HECW2: variants seen among roughly 807,000 people sequenced by gnomAD.
HECW2 encodes HECT, C2 and WW domain containing E3 ubiquitin protein ligase 2, also known as E3 ubiquitin-protein ligase HECW2.
Under a neutral mutation model 175.2 loss-of-function variants are expected in HECW2, and 61 were observed. The ratio of observed to expected loss-of-function variants is 0.35; its 90% CI spans 0.28 to 0.43. The LOEUF (loss-of-function observed/expected upper bound fraction) is 0.43, where lower values mean the gene tolerates loss of function less well. Among genes scored for constraint, HECW2 ranks in the 20% least tolerant of loss-of-function variants. The pLI is 1.00. For synonymous variants in HECW2, 671 were observed against 731.0 expected, an observed-to-expected ratio of 0.92 and a Z score of 1.32; for missense variants, 1,524 against 2,000.5, an observed-to-expected ratio of 0.76 and a Z score of 4.54.
chr2:196,452,733 T>A (rs929946169), intron 1 of HECW2, among the ~76,000 whole-genome samples: 1 of 149,926 alleles, frequency 6.7e-6, no homozygotes, highest in Non-Finnish European at 1.5e-5. Flanking sequence ...AAAATCTTCC[T>A]CAGAAAACAA....
At position 196,587,043 on chromosome 2, in the gene HECW2, GC is replaced by G. The variant is rs367854549; in HGVS notation, c.-36+6464del. 8.5e-5 allele frequency among the ~76,000 whole-genome samples: 13 copies of G among 152,274 alleles called. No homozygotes were observed. The East Asian group carries it at 2.5e-3, about 29-fold the overall frequency. The stretch of plus-strand genomic sequence containing the variant: ...GATAATGTTTGTCTTTAACTTTCCA[GC>G]TGATTTTCCAAGTGTCTCTTCAATA... On this transcript the variant is annotated intron_variant, in intron 1 of 28. Transcript: ENST00000644978.
intron 1 of HECW2, among the ~76,000 whole-genome samples, chr2:196,472,420 G>A (rs1178063970): frequency 6.6e-6 from 1 of 150,476 alleles, no homozygotes; most frequent in African/African-American, 2.5e-5. Context: ...CCTGAGAGGT[G>A]GAGGCTGCAG....
chr2:196,222,483 G>T, intron 23 of HECW2, 143 bp from the exon 24 acceptor site: 1 of 705,382 alleles, frequency 1.4e-6, no homozygotes, highest in Non-Finnish European at 2.2e-6. Flanking sequence ...CTTAGTCCAA[G>T]TCCAGTAATT....
intron 2 of HECW2, among the ~76,000 whole-genome samples, chr2:196,403,604 C>A (rs1694880058): frequency 6.6e-6 from 1 of 152,184 alleles, no homozygotes; most frequent in Non-Finnish European, 1.5e-5. Flanking sequence ...AGTCACTTTC[C>A]TAAAGTTTTA....
intron 1 of HECW2, among the ~76,000 whole-genome samples, chr2:196,523,024 G>A (rs1368124452): frequency 6.6e-6 from 1 of 151,576 alleles, no homozygotes; most frequent in African/African-American, 2.4e-5. Flanking sequence ...GAACGTCATT[G>A]GTAGCTTGAT....
At chr2:196,515,944 C>A (rs568754011) in intron 1 of HECW2, among the ~76,000 whole-genome samples, 1 of 145,740 alleles carries the variant, frequency 6.9e-6, no homozygotes, top group Non-Finnish European at 1.5e-5. Flanking sequence ...GCCAACAGGG[C>A]GAAACCACCT....
At chr2:196,333,133 T>A (rs548480227) in intron 4 of HECW2, among the ~76,000 whole-genome samples, 1 of 152,194 alleles carries the variant, frequency 6.6e-6, no homozygotes, top group East Asian at 1.9e-4. Flanking sequence ...TCAGGACAAA[T>A]CCTACTACAC....
chr2:196,573,724 G>A (rs1215964076), intron 1 of HECW2, among the ~76,000 whole-genome samples: 1 of 152,128 alleles, frequency 6.6e-6, no homozygotes, highest in Non-Finnish European at 1.5e-5. Flanking sequence ...ACCAGCTGTG[G>A]CAAACAAGAG....
At chr2:196,416,040 C>A (rs1050919363) in intron 2 of HECW2, among the ~76,000 whole-genome samples, 1 of 152,140 alleles carries the variant, frequency 6.6e-6, no homozygotes, top group Admixed American at 6.5e-5. Context: ...TTCTTCGTAT[C>A]TTTCTCTTAA....
chr2:196,509,117 G>T (rs1191678049), intron 1 of HECW2, among the ~76,000 whole-genome samples: 2 of 151,354 alleles, frequency 1.3e-5, no homozygotes, highest in South Asian at 4.2e-4. Context: ...AGGATTGTGG[G>T]TTTTTTTTTA....
At chr2:196,243,277 C>T (rs34549208) in intron 19 of HECW2, among the ~76,000 whole-genome samples, 31,527 of 149,974 alleles carry the variant, frequency 0.21, 4,037 homozygotes, top group East Asian at 0.44. Flanking sequence ...AAGTGATTGT[C>T]CTGCCTCAGC....
At chr2:196,351,690 A>T (rs1352192119) in intron 2 of HECW2, among the ~76,000 whole-genome samples, 3 of 152,220 alleles carry the variant, frequency 2.0e-5, no homozygotes, top group African/African-American at 7.2e-5. Flanking sequence ...AAATGGCATA[A>T]ATTCTAAATT....
intron 1 of HECW2, among the ~76,000 whole-genome samples, chr2:196,524,371 T>G (rs1688550529): frequency 9.8e-6 from 1 of 101,546 alleles, no homozygotes; most frequent in Non-Finnish European, 1.8e-5. Context: ...CTCTCTTTTT[T>G]TCTTTATTAG....
chr2:196,290,294 T>C (rs1166202827), intron 14 of HECW2: 1 of 152,242 alleles, frequency 6.6e-6, no homozygotes. Flanking sequence ...CCACCAAAAC[T>C]TTTATAAAAG....
chr2:196,430,025 G>A (rs1051723592), intron 2 of HECW2, among the ~76,000 whole-genome samples: 3 of 152,156 alleles, frequency 2.0e-5, no homozygotes, highest in Non-Finnish European at 4.4e-5. Context: ...CCAGAGTGAA[G>A]AGACCTGGCT....
chr2:196,517,458 C>G (rs1192768439), intron 1 of HECW2, among the ~76,000 whole-genome samples: 1 of 152,040 alleles, frequency 6.6e-6, no homozygotes, highest in Non-Finnish European at 1.5e-5. Flanking sequence ...AATTTTATTA[C>G]AATATTTCTA....
chr2:196,460,532 G>A (rs1361634560), intron 1 of HECW2, among the ~76,000 whole-genome samples: 1 of 148,064 alleles, frequency 6.8e-6, no homozygotes, highest in East Asian at 2.0e-4. Context: ...TTCTTTTAAA[G>A]AGCAGAGAAC....
chr2:196,341,928 T>A (rs551229689), intron 3 of HECW2, among the ~76,000 whole-genome samples: 23 of 152,360 alleles, frequency 1.5e-4, no homozygotes, highest in Middle Eastern at 3.4e-3. Flanking sequence ...TTCACAAAGA[T>A]ATGCTTGTGG....
intron 19 of HECW2, among the ~76,000 whole-genome samples, chr2:196,243,220 T>G (rs1157773462): frequency 1.4e-5 from 2 of 146,016 alleles, no homozygotes; most frequent in Non-Finnish European, 3.0e-5. Flanking sequence ...CAGGCTGGAG[T>G]GCAATGGCAC....
Sources: allele counts gnomAD v4.1 joint callset (sites outside exome capture counted in the v4.1 genomes callset), GRCh38; gene constraint gnomAD v4.1.1; transcripts MANE v1.5; gene names NCBI Gene and HGNC (gene_info 2026-07-23, HGNC 2026-07-21).